The following RORA variants were observed in gnomAD, a reference collection of about 807,000 sequenced individuals.
RORA encodes nuclear receptor ROR-alpha.
In RORA, 7 loss-of-function variants were observed where a neutral mutation model predicts 69.5. The ratio of observed to expected loss-of-function variants is 0.10; its 90% CI spans 0.06 to 0.19. The LOEUF is 0.19. Ranked by LOEUF, RORA falls within the 10% of genes least tolerant of loss-of-function variation. The pLI is 1.00. For synonymous variants in RORA, 261 were observed against 240.8 expected (o/e 1.08, Z -0.78); for missense variants, 457 against 663.0 (o/e 0.69, Z 3.41).
At chr15:60,879,177 C>T (rs1325715670) in intron 1 of RORA, among the ~76,000 whole-genome samples, 1 of 152,202 alleles carries the variant, frequency 6.6e-6, no homozygotes. Context: ...AAAGAATGAT[C>T]ACCTATCTTT....
At chr15:61,037,225 G>GT in intron 1 of RORA, among the ~76,000 whole-genome samples, 1 of 152,284 alleles carries the variant, frequency 6.6e-6, no homozygotes, top group Admixed American at 6.5e-5. Context: ...CAGACATGTC[G>GT]TAAGTGCATG....
At chr15:61,144,099 AG>A (rs1293853580) in intron 1 of RORA, among the ~76,000 whole-genome samples, 2 of 152,210 alleles carry the variant, frequency 1.3e-5, no homozygotes, top group Non-Finnish European at 2.9e-5. Flanking sequence ...AAAAATGGGT[AG>A]GGTTATTGTC....
At chr15:61,063,839 C>A (rs994177250) in intron 1 of RORA, among the ~76,000 whole-genome samples, 3 of 152,152 alleles carry the variant, frequency 2.0e-5, no homozygotes, top group African/African-American at 7.2e-5. Context: ...AATGGTAAAA[C>A]ATGAGCCAGC....
chr15:60,528,672 C>G (rs552076628), intron 3 of RORA: 1 of 152,274 alleles, frequency 6.6e-6, no homozygotes, highest in South Asian at 2.1e-4. Context: ...AGCAGCATTA[C>G]CAAGCCACCA....
chr15:60,942,314 T>C (rs1323608076), intron 1 of RORA, among the ~76,000 whole-genome samples: 1 of 152,230 alleles, frequency 6.6e-6, no homozygotes, highest in Non-Finnish European at 1.5e-5. Context: ...AGAGCTGGGA[T>C]ATACACCCTT....
chr15:60,496,828 C>T lies in RORA; in HGVS notation c.*627G>A, dbSNP rs2065179111. The T allele has an allele frequency of 6.6e-6, 1 of 152,220 alleles. No homozygotes were observed. The highest frequency in any genetic ancestry group is 2.1e-4 in the South Asian group (1 of 4,834). 9.4% of individuals were successfully genotyped at this position (152,220 alleles called of 1,614,324 possible). A position where few individuals can be genotyped will look rare whatever the true frequency, so the allele number is the denominator to read the frequency against. ...CTTATCAATTCAACAGGAAAAGCTA[C>T]ACCAGTAACTACATTTTATATTACT... On this transcript the variant is annotated 3_prime_UTR_variant, in exon 11 of 11. Coordinates refer to ENST00000335670, the MANE Select transcript of RORA (RefSeq NM_134261.3). This position sits in a 1 kb window ranked among gnomAD's most constrained non-coding sequence, Gnocchi z 4.5.
intron 1 of RORA, among the ~76,000 whole-genome samples, chr15:60,889,586 G>A (rs1474539434): frequency 6.6e-6 from 1 of 152,232 alleles, no homozygotes; most frequent in Non-Finnish European, 1.5e-5. Context: ...GAGCATCAGA[G>A]GCCTCGTGGT....
intron 2 of RORA, among the ~76,000 whole-genome samples, chr15:60,632,428 A>C (rs964438060): frequency 3.3e-5 from 5 of 152,120 alleles, no homozygotes; most frequent in African/African-American, 1.2e-4. Flanking sequence ...GTATTTTCTA[A>C]AGGGTCAGAT....
chr15:60,984,157 T>C (rs1894125835), intron 1 of RORA, among the ~76,000 whole-genome samples: 1 of 152,198 alleles, frequency 6.6e-6, no homozygotes, highest in African/African-American at 2.4e-5. Context: ...AATTATTTTC[T>C]GATTCACTTT....
At chr15:60,758,693 C>T (rs956792216) in intron 1 of RORA, among the ~76,000 whole-genome samples, 1 of 152,160 alleles carries the variant, frequency 6.6e-6, no homozygotes, top group African/African-American at 2.4e-5. Context: ...TGGTCTCTCT[C>T]ATTTTTTCCC....
chr15:61,025,985 G>A (rs1895789345), intron 1 of RORA, among the ~76,000 whole-genome samples: 1 of 152,024 alleles, frequency 6.6e-6, no homozygotes, highest in African/African-American at 2.4e-5. Flanking sequence ...ATGCACCAAG[G>A]AAACATAACA....
chr15:60,874,432 G>A (rs2073591898), intron 1 of RORA, among the ~76,000 whole-genome samples: 1 of 152,054 alleles, frequency 6.6e-6, no homozygotes, highest in South Asian at 2.1e-4. Flanking sequence ...CTTCCATAAA[G>A]CATCAGCAGA....
intron 2 of RORA, among the ~76,000 whole-genome samples, chr15:60,616,538 A>G (rs2069248409): frequency 6.6e-6 from 1 of 152,216 alleles, no homozygotes. Context: ...GAAAGAAACA[A>G]GAGCCGGGAA....
intron 1 of RORA, among the ~76,000 whole-genome samples, chr15:60,714,403 T>C (rs1045421934): frequency 1.3e-5 from 2 of 149,286 alleles, no homozygotes. Flanking sequence ...TCTTGCTCTG[T>C]CCCCCAGGCT....
At chr15:61,122,846 A>G (rs1036329709) in intron 1 of RORA, among the ~76,000 whole-genome samples, 2 of 152,186 alleles carry the variant, frequency 1.3e-5, no homozygotes, top group Non-Finnish European at 1.5e-5. Flanking sequence ...CACACCCCAG[A>G]TAAGGCTTCT....
In RORA at chr15:60,492,071, A is replaced by G. The variant is rs2065051125; in HGVS notation, c.*5384T>C. The G allele has an allele frequency of 6.6e-6, 1 of 151,978 alleles. No individual in the cohort carries two copies. The highest frequency in any genetic ancestry group is 2.1e-4 in the South Asian group (1 of 4,832). The allele number at this position is 151,978 out of a possible 1,614,324, so 9.4% of individuals were successfully genotyped here. ...ATATACAAATACACATAGAGAGGAG[A>G]GATTTCTACCATTTTCCATATTCTT... On this transcript the variant is annotated 3_prime_UTR_variant, in exon 11 of 11. Coordinates refer to ENST00000335670, the MANE Select transcript of RORA (RefSeq NM_134261.3).
intron 1 of RORA, among the ~76,000 whole-genome samples, chr15:60,699,231 A>G (rs900898198): frequency 7.2e-5 from 11 of 152,132 alleles, no homozygotes; most frequent in African/African-American, 2.7e-4. Context: ...TTGCATGCCT[A>G]TAAGGACTTT....
intron 1 of RORA, among the ~76,000 whole-genome samples, chr15:61,054,717 T>C (rs955676845): frequency 5.3e-5 from 8 of 152,338 alleles, no homozygotes; most frequent in African/African-American, 1.9e-4. Context: ...GACAAGGCAC[T>C]GTTTGTAAAT....
At chr15:60,814,546 G>A (rs7165581) in intron 1 of RORA, among the ~76,000 whole-genome samples, 10,922 of 152,080 alleles carry the variant, frequency 0.072, 527 homozygotes, top group Admixed American at 0.13. Context: ...ATAGTCCCCG[G>A]GATATTTTTT....
Sources: gnomAD v4.1 joint callset for allele counts (sites outside exome capture counted in the v4.1 genomes callset) on GRCh38, gnomAD v4.1.1 for gene constraint, Gnocchi (gnomAD v3.1) non-coding constraint, MANE v1.5 for transcripts, NCBI Gene and HGNC (gene_info 2026-07-23, HGNC 2026-07-21) for gene names.